The following COL5A2 variants were observed in gnomAD, a reference collection of about 807,000 sequenced individuals.
The protein encoded by COL5A2 is collagen type V alpha 2 chain.
Under a neutral mutation model 208.2 loss-of-function variants are expected in COL5A2, and 23 were observed. That is an observed-to-expected ratio of 0.11 (90% CI 0.08 to 0.16). COL5A2 has a LOEUF of 0.16. COL5A2 is among the 10% of genes least tolerant of loss of function. COL5A2 has a pLI of 1.00. For missense variants in COL5A2, 1,590 were observed against 1,956.4 expected, an observed-to-expected ratio of 0.81 and a Z score of 3.53; for synonymous variants, 625 against 628.5, an observed-to-expected ratio of 0.99 and a Z score of 0.08.
At chr2:189,048,710 A>C (rs1248720957) in intron 44 of COL5A2, among the ~76,000 whole-genome samples, 1 of 152,128 alleles carries the variant, frequency 6.6e-6, no homozygotes, top group African/African-American at 2.4e-5. Flanking sequence ...TTTTTTCATA[A>C]ATATGTCTTT....
intron 3 of COL5A2, among the ~76,000 whole-genome samples, chr2:189,100,969 T>C (rs1206371793): frequency 6.6e-6 from 1 of 152,108 alleles, no homozygotes; most frequent in Non-Finnish European, 1.5e-5. Flanking sequence ...TTTATCTATT[T>C]CTACTTAATC....
chr2:189,302,218 T>G, the COL5A2 span, among the ~76,000 whole-genome samples: 1 of 152,196 alleles, frequency 6.6e-6, no homozygotes, highest in African/African-American at 2.4e-5. Context: ...GATTTTCCTA[T>G]GAATCACATA....
the COL5A2 span, among the ~76,000 whole-genome samples, chr2:189,440,322 A>T: frequency 0.01 from 1,530 of 152,334 alleles, 23 homozygotes; most frequent in East Asian, 0.081. Flanking sequence ...CATTGTGTGA[A>T]TATCACAGAG....
At chr2:189,067,194 T>C (rs1454614767) in intron 21 of COL5A2, among the ~76,000 whole-genome samples, 1 of 152,222 alleles carries the variant, frequency 6.6e-6, no homozygotes, top group East Asian at 1.9e-4. Context: ...ATTTTATATT[T>C]ATGCCGTATT....
At chr2:189,256,729 G>A in the COL5A2 span, among the ~76,000 whole-genome samples, 2 of 152,130 alleles carry the variant, frequency 1.3e-5, no homozygotes, top group South Asian at 2.1e-4. Context: ...TCAGCTCTCT[G>A]CAACCTCCAC....
At chr2:189,251,877 T>C in the COL5A2 span, among the ~76,000 whole-genome samples, 2 of 152,158 alleles carry the variant, frequency 1.3e-5, no homozygotes, top group South Asian at 4.1e-4. Context: ...AAAGGAGTAA[T>C]ATCCAGAATC....
chr2:189,323,663 A>C, the COL5A2 span, among the ~76,000 whole-genome samples: 1 of 152,208 alleles, frequency 6.6e-6, no homozygotes, highest in Non-Finnish European at 1.5e-5. Flanking sequence ...TGCTCAATGA[A>C]ATAAAAGAGG....
intron 16 of COL5A2, among the ~76,000 whole-genome samples, chr2:189,075,985 C>CT (rs986968026): frequency 1.3e-5 from 2 of 152,114 alleles, no homozygotes; most frequent in East Asian, 3.9e-4. Context: ...AGACTGTGCT[C>CT]TTTCCTTGGT....
intron 51 of COL5A2, among the ~76,000 whole-genome samples, chr2:189,038,456 T>C (rs538278715): frequency 1.3e-5 from 2 of 152,288 alleles, no homozygotes; most frequent in East Asian, 1.9e-4. Flanking sequence ...GTCAATTTCA[T>C]GTCTTTGCTA....
chr2:189,087,060 T>G (rs1448742057), intron 8 of COL5A2, among the ~76,000 whole-genome samples: 1 of 152,236 alleles, frequency 6.6e-6, no homozygotes, highest in Non-Finnish European at 1.5e-5. Context: ...GTTTAATGGA[T>G]GGTTCTGTTA....
chr2:189,343,509 C>T, the COL5A2 span, among the ~76,000 whole-genome samples: 1 of 152,032 alleles, frequency 6.6e-6, no homozygotes, highest in Non-Finnish European at 1.5e-5. Context: ...ATTTGGATGA[C>T]TCATCATCAA....
chr2:189,139,513 G>T (rs1461397861), intron 1 of COL5A2, among the ~76,000 whole-genome samples: 3 of 152,082 alleles, frequency 2.0e-5, no homozygotes, highest in Non-Finnish European at 4.4e-5. Flanking sequence ...TAGCCAAAAG[G>T]AGCCTAAGGA....
the COL5A2 span, among the ~76,000 whole-genome samples, chr2:189,394,235 G>T: frequency 1.8e-4 from 28 of 151,972 alleles, no homozygotes; most frequent in Admixed American, 1.8e-3. Context: ...AATATGAATT[G>T]AAGAGTATAA....
chr2:189,234,978 A>G, the COL5A2 span, among the ~76,000 whole-genome samples: 2 of 151,872 alleles, frequency 1.3e-5, no homozygotes, highest in South Asian at 4.1e-4. Context: ...TCAATAATAT[A>G]CATCATTTCA....
chr2:189,166,952 A>G (rs1688476234), intron 1 of COL5A2, among the ~76,000 whole-genome samples: 1 of 152,244 alleles, frequency 6.6e-6, no homozygotes, highest in Non-Finnish European at 1.5e-5. Flanking sequence ...TCAGGCTGGA[A>G]GGAAAAGTCT....
At chr2:189,233,681 T>G in the COL5A2 span, among the ~76,000 whole-genome samples, 2 of 151,834 alleles carry the variant, frequency 1.3e-5, no homozygotes, top group African/African-American at 4.8e-5. Context: ...AAATTAAGAT[T>G]TCTCAACTTT....
intron 6 of COL5A2, among the ~76,000 whole-genome samples, chr2:189,096,845 T>C (rs1686928012): frequency 6.6e-6 from 1 of 152,160 alleles, no homozygotes; most frequent in South Asian, 2.1e-4. Flanking sequence ...ATCTCTGCAG[T>C]GGCTGCTGAG....
chr2:189,401,717 C>A, the COL5A2 span, among the ~76,000 whole-genome samples: 1 of 152,190 alleles, frequency 6.6e-6, no homozygotes, highest in Non-Finnish European at 1.5e-5. Context: ...TACAACCTCA[C>A]CAGCATCTGT....
chr2:189,032,774 A>G lies in COL5A2; in HGVS notation c.*1296T>C, dbSNP rs1685361694. 2 of 152,616 alleles carry G rather than the reference A, an allele frequency of 1.3e-5. No homozygotes were observed. The highest frequency in any genetic ancestry group is 4.8e-5 in the African/African-American group (2 of 41,460). The allele number at this position is 152,616 out of a possible 1,614,324, so 9.5% of individuals were successfully genotyped here. Reference sequence around the variant, plus strand: ...GGAACAGTGAACAAGCATTGGAACGATGCTCTTTCTTTCAGAAACGGGAAG... The same window carrying G: ...GGAACAGTGAACAAGCATTGGAACGGTGCTCTTTCTTTCAGAAACGGGAAG... On this transcript the variant is annotated 3_prime_UTR_variant, in exon 54 of 54. Coordinates refer to ENST00000374866, the MANE Select transcript of COL5A2 (RefSeq NM_000393.5).
Sources: gnomAD v4.1 joint callset for allele counts (sites outside exome capture counted in the v4.1 genomes callset) on GRCh38, gnomAD v4.1.1 for gene constraint, MANE v1.5 for transcripts, NCBI Gene and HGNC (gene_info 2026-07-23, HGNC 2026-07-21) for gene names.